Variants in FGD6 observed in about 807,000 individuals in gnomAD.
The protein encoded by FGD6 is FYVE, RhoGEF and PH domain containing 6, also known as FYVE, RhoGEF and PH domain-containing protein 6.
In FGD6, 90 loss-of-function variants were observed where a neutral mutation model predicts 149.4. That is an observed-to-expected ratio of 0.60 (90% CI 0.51 to 0.72). FGD6 has a LOEUF of 0.72. Ranked by LOEUF, FGD6 falls within the 30% of genes least tolerant of loss-of-function variation. The pLI, the probability that FGD6 is intolerant of heterozygous loss-of-function variation, is 0.00. For missense variants in FGD6, 1,437 were observed against 1,684.8 expected (o/e 0.85, Z 2.57); for synonymous variants, 527 against 584.0 (o/e 0.90, Z 1.41).
At chr12:95,118,951 C>T (rs1879103129) in intron 8 of FGD6, among the ~76,000 whole-genome samples, 7 of 152,170 alleles carry the variant, frequency 4.6e-5, no homozygotes, top group Admixed American at 4.6e-4. Context: ...GGCAGCTTGG[C>T]GAAGTGGTCA....
chr12:95,176,703 C>T (rs1005462909), intron 2 of FGD6, among the ~76,000 whole-genome samples: 1 of 152,058 alleles, frequency 6.6e-6, no homozygotes, highest in Non-Finnish European at 1.5e-5. Context: ...TTTCTATATG[C>T]TAGTTTCTAT....
intron 8 of FGD6, chr12:95,126,041 G>A: frequency 7.6e-7 from 1 of 1,313,776 alleles, no homozygotes. Flanking sequence ...GGGCCAGGAA[G>A]ATTGAAGCCA....
intron 15 of FGD6, among the ~76,000 whole-genome samples, chr12:95,093,367 G>A (rs1051972247): frequency 1.3e-5 from 2 of 151,940 alleles, no homozygotes; most frequent in Non-Finnish European, 2.9e-5. Context: ...TCAACATGGT[G>A]AAAACCTGTC....
Position 95,078,997 on chromosome 12 carries a change from A to G in FGD6, c.*2523T>C, listed in dbSNP as rs1239434372. The G allele has an allele frequency of 6.6e-6, 1 of 152,208 alleles. No homozygotes were observed. The highest frequency in any genetic ancestry group is 1.9e-4 in the East Asian group (1 of 5,202). The allele number at this position is 152,208 out of a possible 1,614,324, so 9.4% of individuals were successfully genotyped here. A position where few individuals can be genotyped will look rare whatever the true frequency, so the allele number is the denominator to read the frequency against. ...TAGATACTACTTAACTTTTCTCCCC[A>G]TTTATAGACTGTGCCCAATATCATT... On this transcript the variant is annotated 3_prime_UTR_variant, in exon 21 of 21. Transcript: ENST00000343958.
chr12:95,107,743 CCA>C, intron 11 of FGD6, 112 bp from the exon 12 acceptor site: 3 of 1,037,496 alleles, frequency 2.9e-6, no homozygotes, highest in East Asian at 2.5e-5. Flanking sequence ...GACTGGGGAG[CCA>C]CAGTTTCCTT....
chr12:95,189,268 T>C (rs570486534), intron 2 of FGD6: 13 of 152,182 alleles, frequency 8.5e-5, no homozygotes, highest in Admixed American at 3.3e-4. Context: ...ATTTGTAGAG[T>C]ACAAAAGAGC....
At chr12:95,196,330 T>G (rs932809495) in intron 2 of FGD6, among the ~76,000 whole-genome samples, 1 of 151,850 alleles carries the variant, frequency 6.6e-6, no homozygotes, top group Non-Finnish European at 1.5e-5. Flanking sequence ...AGGCTGGTCT[T>G]GAACTCCTGG....
chr12:95,146,531 T>TG (rs1325129267), intron 5 of FGD6, among the ~76,000 whole-genome samples: 2 of 152,190 alleles, frequency 1.3e-5, no homozygotes, highest in South Asian at 2.1e-4. Context: ...ATTAAAATAG[T>TG]GGGGGGAGGA....
At chr12:95,156,466 T>C (rs553375515) in intron 3 of FGD6, among the ~76,000 whole-genome samples, 1 of 152,286 alleles carries the variant, frequency 6.6e-6, no homozygotes, top group East Asian at 1.9e-4. Flanking sequence ...CTAAAAAATT[T>C]TTGGTCAGAC....
chr12:95,214,912 G>C (rs1392616515), intron 1 of FGD6, among the ~76,000 whole-genome samples: 2 of 140,594 alleles, frequency 1.4e-5, no homozygotes, highest in African/African-American at 2.7e-5. Context: ...ACCCAGGCTA[G>C]AGTGCAGTGG....
intron 2 of FGD6, among the ~76,000 whole-genome samples, chr12:95,177,613 A>T (rs1292781969): frequency 6.6e-6 from 1 of 152,082 alleles, no homozygotes; most frequent in African/African-American, 2.4e-5. Flanking sequence ...TTTTTTTTCA[A>T]ATGCTGTCTC....
intron 3 of FGD6, among the ~76,000 whole-genome samples, chr12:95,166,864 T>A (rs889273596): frequency 6.7e-6 from 1 of 149,160 alleles, no homozygotes; most frequent in African/African-American, 2.5e-5. Flanking sequence ...CTTTTTTTTT[T>A]TTTTTTTTTT....
chr12:95,129,620 CT>C (rs1025313744), intron 8 of FGD6, among the ~76,000 whole-genome samples: 2 of 152,198 alleles, frequency 1.3e-5, no homozygotes, highest in African/African-American at 4.8e-5. Flanking sequence ...TTCTTCCCAA[CT>C]TCAAACAGGA....
At position 95,210,159 on chromosome 12, in the gene FGD6, C is replaced by T; in HGVS notation, c.1125G>A (p.Val375=). 1 of 1,613,836 alleles carries T rather than the reference C, an allele frequency of 6.2e-7. No individual in the cohort carries two copies. The change falls in exon 2 of 21, where the codon GTG becomes GTA. Residue 375 remains valine, a synonymous_variant. Transcript: ENST00000343958. ...TTTTATTTCCTAGCTTCATTTTATC[C>T]ACCTGTTCCTGCTTACACAAAACAT... ...HQNVLCKQEQ[V]DKMKLGNKSE...
At chr12:95,213,503 C>G (rs541183056) in intron 1 of FGD6, among the ~76,000 whole-genome samples, 1 of 152,220 alleles carries the variant, frequency 6.6e-6, no homozygotes, top group Non-Finnish European at 1.5e-5. Flanking sequence ...GAACTATACA[C>G]TTAAAAATGA....
intron 2 of FGD6, among the ~76,000 whole-genome samples, chr12:95,185,178 C>G (rs1881393823): frequency 6.6e-6 from 1 of 152,050 alleles, no homozygotes; most frequent in African/African-American, 2.4e-5. Flanking sequence ...CCTTCTTCCA[C>G]TCTTAATCCC....
Position 95,210,318 on chromosome 12 carries a change from A to C in FGD6, c.966T>G (p.Thr322=). The C allele has an allele frequency of 1.2e-6, 2 of 1,614,134 alleles. No homozygotes were observed. Among genetic ancestry groups the C allele is most frequent in the Non-Finnish European group, 8.5e-7 (1 of 1,180,016 alleles). ...CACACTTTTGGCGTAACAGACGAGC[A>C]GTTCGTGTCTTTCTGGGCTTGGGAG... is the stretch of plus-strand genomic sequence containing the variant. ...FPTPKPRKTR[T]ARLLRQKCVD... Residue 322 remains threonine (T), a synonymous_variant, in exon 2 of 21, where the codon ACT becomes ACG. Coordinates refer to ENST00000343958, the MANE Select transcript of FGD6 (RefSeq NM_018351.4).
intron 14 of FGD6, among the ~76,000 whole-genome samples, chr12:95,096,836 T>A (rs1392354928): frequency 1.3e-5 from 2 of 152,216 alleles, no homozygotes; most frequent in African/African-American, 4.8e-5. Context: ...CTGCTCATGT[T>A]CTCTGCAGAA....
Position 95,106,979 on chromosome 12 carries a change from T to C in FGD6, c.3392A>G (p.Asn1131Ser). Residue 1131 changes from asparagine (N) to serine (S), a missense_variant, in exon 13 of 21, where the codon AAC becomes AGC. Physicochemically the swap from Asn to Ser is conservative, Grantham distance 46. Transcript: ENST00000343958. ...CTTCATTCCAGCCAGTGAGAGCATG[T>C]TGTTCAGTTTATACATCCCAGACTG... Reference protein sequence around the residue: ...PVQSGMYKLNNMLSLAGMKVR... With the variant: ...PVQSGMYKLNSMLSLAGMKVR... 1 of 1,613,678 alleles carries C rather than the reference T, an allele frequency of 6.2e-7. No homozygotes were observed. Among genetic ancestry groups the C allele is most frequent in the Non-Finnish European group, 8.5e-7 (1 of 1,179,740 alleles).
Sources: allele counts gnomAD v4.1 joint callset (sites outside exome capture counted in the v4.1 genomes callset), GRCh38; gene constraint gnomAD v4.1.1; transcripts MANE v1.5; gene names NCBI Gene and HGNC (gene_info 2026-07-23, HGNC 2026-07-21).